DOCK9: variants seen among roughly 807,000 people sequenced by gnomAD.
DOCK9 encodes dedicator of cytokinesis 9, also known as dedicator of cytokinesis protein 9.
In DOCK9, 89 loss-of-function variants were observed where a neutral mutation model predicts 263.3. That is an observed-to-expected ratio of 0.34 (90% CI 0.28 to 0.40). DOCK9 has a LOEUF of 0.40. Among genes scored for constraint, DOCK9 ranks in the 10% least tolerant of loss-of-function variants. The probability of loss-of-function intolerance (pLI) is 1.00; values close to 1 mark genes in which losing one functional copy is unlikely to be tolerated. For synonymous variants in DOCK9, 976 were observed against 973.1 expected (o/e 1.00, Z -0.06); for missense variants, 2,140 against 2,603.4 (o/e 0.82, Z 3.87).
At position 98,885,815 on chromosome 13, in the gene DOCK9, G is replaced by A; in HGVS notation, c.2153C>T (p.Pro718Leu). The A allele has an allele frequency of 6.2e-7, 1 of 1,605,642 alleles. No homozygotes were observed. The highest frequency in any genetic ancestry group is 2.2e-5 in the East Asian group (1 of 44,558). ...GTGGTGCTTTTCATGCAGCTGAGTG[G>A]GCAACTCTATTTTAATCTGCAAGGG... is the stretch of plus-strand genomic sequence containing the variant. The part of the protein sequence containing the change: ...EFYDEIKIEL[P>L]TQLHEKHHLL... Residue 718 changes from proline (P) to leucine (L), a missense_variant, in exon 20 of 53, where the codon CCC (proline) becomes CTC (leucine). This residue lies in a region of DOCK9 where 1,521 missense variants were observed against 1,741.7 expected (regional missense o/e 0.87). Transcript: ENST00000682017.
chr13:98,995,987 A>C (rs1880939978), intron 1 of DOCK9, among the ~76,000 whole-genome samples: 1 of 152,156 alleles, frequency 6.6e-6, no homozygotes, highest in African/African-American at 2.4e-5. Context: ...CAGTAGGGTA[A>C]GCACGGTGCA....
At position 98,984,327 on chromosome 13, in the gene DOCK9, A is replaced by C. The variant is rs139398699; in HGVS notation, c.130-28776T>G. Among the ~76,000 whole-genome samples, 594 of 152,360 alleles carry C rather than the reference A, an allele frequency of 3.9e-3. 2 individuals carry two copies. The highest frequency in any genetic ancestry group is 6.0e-3 in the Non-Finnish European group (407 of 68,032). On this transcript the variant is annotated intron_variant, in intron 1 of 32. Transcript: ENST00000427887. ...CAGTGGATGCCAATCAGCAGTGTCA[A>C]CATGTGCACAGTCTACTCATTTGTT...
intron 13 of DOCK9, among the ~76,000 whole-genome samples, chr13:98,899,465 A>G (rs758647338): frequency 6.6e-6 from 1 of 152,176 alleles, no homozygotes; most frequent in Non-Finnish European, 1.5e-5. Flanking sequence ...TGCTGTAGGA[A>G]CTGCTGCCTT....
In DOCK9 at chr13:98,883,126, C is replaced by G. The variant is rs761720738; in HGVS notation, c.2475G>C (p.Gln825His). The change falls in exon 23 of 53, where the codon CAG (glutamine) becomes CAC (histidine). Residue 825 changes from glutamine (Q) to histidine (H), a missense_variant. Transcript: ENST00000682017. ...HLVSTVYTQD[Q>H]HLHNFFQYCQ... ...AGTACTGGAAAAAATTATGTAAATGCTGATCCTGAGGTAGGGAAAAAGGAA... is the reference window on the plus strand; with the variant it reads ...AGTACTGGAAAAAATTATGTAAATGGTGATCCTGAGGTAGGGAAAAAGGAA... 3.7e-6 allele frequency: 6 copies of G among 1,613,112 alleles called. No individual in the cohort carries two copies. Among genetic ancestry groups the G allele is most frequent in the Non-Finnish European group, 5.1e-6 (6 of 1,179,522 alleles).
intron 45 of DOCK9, among the ~76,000 whole-genome samples, chr13:98,823,185 T>C (rs937995977): frequency 6.6e-6 from 1 of 151,760 alleles, no homozygotes; most frequent in Non-Finnish European, 1.5e-5. Context: ...CTCTCTTTAC[T>C]GTCTGATTTT....
chr13:98,930,363 C>A (rs1188512434), intron 2 of DOCK9, 106 bp from the exon 3 acceptor site: 2 of 912,368 alleles, frequency 2.2e-6, no homozygotes, highest in East Asian at 2.6e-5. Context: ...GCCACAGAGT[C>A]CCTCCAGTTT....
chr13:99,008,212 C>CTCTCTCTCTA (rs1433985064), intron 1 of DOCK9, among the ~76,000 whole-genome samples: 4 of 79,176 alleles, frequency 5.1e-5, no homozygotes, highest in African/African-American at 1.3e-4. Context: ...CTCTCTCTCT[C>CTCTCTCTCTA]TATATATATA....
rs1403399133 is a variant in DOCK9 at position 98,883,956 on chromosome 13, A to G, written c.2383-57T>C. 8.8e-6 allele frequency: 11 copies of G among 1,251,884 alleles called. No individual in the cohort carries two copies. In the Admixed American group the frequency reaches 2.1e-4, roughly 24 times the overall value. The allele number at this position is 1,251,884 out of a possible 1,614,324, so 77.5% of individuals were successfully genotyped here. A position where few individuals can be genotyped will look rare whatever the true frequency, so the allele number is the denominator to read the frequency against. On this transcript the variant is annotated intron_variant, in intron 21 of 52. Coordinates refer to ENST00000682017, the MANE Select transcript of DOCK9 (RefSeq NM_001366683.2). ...ACAGATTAGTTATTTTGGCTCTAAC[A>G]TGATCATCAATGAGGGTAATGATGA... is the stretch of plus-strand genomic sequence containing the variant.
chr13:99,057,564 A>G (rs1294601926), intron 1 of DOCK9, among the ~76,000 whole-genome samples: 1 of 152,238 alleles, frequency 6.6e-6, no homozygotes, highest in Non-Finnish European at 1.5e-5. Flanking sequence ...TTCCCAAATA[A>G]AAGAATAATA....
chr13:98,885,222 T>C, intron 20 of DOCK9, 130 bp from the exon 21 acceptor site: 1 of 1,262,226 alleles, frequency 7.9e-7, no homozygotes, highest in Non-Finnish European at 1.1e-6. Flanking sequence ...AAATTTAAAA[T>C]GCCCTAAATG....
intron 39 of DOCK9, 97 bp from the exon 40 acceptor site, chr13:98,831,883 A>G: frequency 7.0e-7 from 1 of 1,437,258 alleles, no homozygotes; most frequent in South Asian, 1.4e-5. Flanking sequence ...CTAAGTATTA[A>G]GACAACTTAT....
rs369683149 is a variant in DOCK9 at position 98,846,053 on chromosome 13, C to T, written c.4069G>A (p.Glu1357Lys). 1 of 1,573,634 alleles carries T rather than the reference C, an allele frequency of 6.4e-7. No homozygotes were observed. Among genetic ancestry groups the T allele is most frequent in the African/African-American group, 1.3e-5 (1 of 74,236 alleles). ...MGKRYIARNQ[E>K]GLGPIVHDRK... is the part of the protein sequence containing the mutation. ...TCATGAACTATGGGTCCCAACCCCT[C>T]CTGGTTCCTGCAACATGAGTGAAAT... Residue 1357 changes from glutamate to lysine, a missense_variant, in exon 38 of 53, where the codon GAG becomes AAG. This residue lies in a region of DOCK9 where 1,521 missense variants were observed against 1,741.7 expected (regional missense o/e 0.87). Coordinates refer to ENST00000682017, the MANE Select transcript of DOCK9 (RefSeq NM_001366683.2).
In DOCK9 at chr13:98,809,484, C is replaced by A. The variant is rs763327937; in HGVS notation, c.5254-19G>T. 1 of 1,550,242 alleles carries A rather than the reference C, an allele frequency of 6.5e-7. No homozygotes were observed. Among genetic ancestry groups the A allele is most frequent in the South Asian group, 1.2e-5 (1 of 83,314 alleles). ...CCAGCCTCTGGAAAGCAGAACAAAG[C>A]CCATTTCTTCCCATGTGCAAAGAGG... On this transcript the variant is annotated intron_variant, in intron 46 of 52. Coordinates refer to ENST00000682017, the MANE Select transcript of DOCK9 (RefSeq NM_001366683.2).
At chr13:99,073,425 A>G (rs2142393406) in intron 1 of DOCK9, among the ~76,000 whole-genome samples, 1 of 139,726 alleles carries the variant, frequency 7.2e-6, no homozygotes, top group South Asian at 2.3e-4. Context: ...CCTTATGCTC[A>G]GGCATAAGCT....
At position 98,897,572 on chromosome 13, in the gene DOCK9, T is replaced by C. The variant is rs1309784102; in HGVS notation, c.1625A>G (p.Asn542Ser). ...FKDASGNLDK[N>S]ARFSAIYRQD... ...CCTGTAGATGGCAGAAAATCTGGCA[T>C]TTTTGTCAAGATTTCCAGATGCATC... The change falls in exon 15 of 53, where the codon AAT (asparagine) becomes AGT (serine). Residue 542 changes from asparagine (N) to serine (S), a missense_variant. Transcript: ENST00000682017. 1.2e-6 allele frequency: 2 copies of C among 1,613,990 alleles called. No homozygotes were observed.
chr13:99,019,062 A>G (rs374835734), intron 1 of DOCK9, among the ~76,000 whole-genome samples: 12 of 152,296 alleles, frequency 7.9e-5, no homozygotes, highest in African/African-American at 2.9e-4. Flanking sequence ...ACAGGCAGGA[A>G]CAAAGTACTG....
At position 99,058,796 on chromosome 13, in the gene DOCK9, T is replaced by C. The variant is rs1028346792; in HGVS notation, c.129+27427A>G. Among the ~76,000 whole-genome samples the C allele has an allele frequency of 2.0e-5, 3 of 152,144 alleles. 1 individual carries two copies. Among genetic ancestry groups the C allele is most frequent in the Non-Finnish European group, 4.4e-5 (3 of 68,016 alleles). ...CCCTAAAGCACTCATAGGGCACATG[T>C]AGCAGCCACACACGAGCCCTGCTTT... On this transcript the variant is annotated intron_variant, in intron 1 of 32. Transcript: ENST00000427887.
At chr13:98,995,233 G>A (rs1260045546) in intron 1 of DOCK9, among the ~76,000 whole-genome samples, 1 of 152,160 alleles carries the variant, frequency 6.6e-6, no homozygotes, top group Non-Finnish European at 1.5e-5. Context: ...AGCTAATGCT[G>A]GGGTGTCGTG....
At chr13:98,996,689 T>A (rs1881118880) in intron 1 of DOCK9, among the ~76,000 whole-genome samples, 2 of 152,234 alleles carry the variant, frequency 1.3e-5, no homozygotes, top group South Asian at 4.1e-4. Context: ...TGCAATTTTT[T>A]AAAAGCTCAT....
Sources: gnomAD v4.1 joint callset for allele counts (sites outside exome capture counted in the v4.1 genomes callset) on GRCh38, gnomAD v4.1.1 for gene constraint, gnomAD v4.1.1 regional missense constraint, MANE v1.5 for transcripts, NCBI Gene and HGNC (gene_info 2026-07-23, HGNC 2026-07-21) for gene names.